The following AP3B2 variants were observed in gnomAD, a reference collection of about 807,000 sequenced individuals.
AP3B2 encodes the protein adaptor related protein complex 3 subunit beta 2.
Under a neutral mutation model 126.9 loss-of-function variants are expected in AP3B2, and 50 were observed. The observed-to-expected ratio is 0.39, with a 90% CI of 0.31 to 0.50. The LOEUF is 0.50. AP3B2 is among the 20% of genes least tolerant of loss of function. The pLI, the probability that AP3B2 is intolerant of heterozygous loss-of-function variation, is 0.79. For missense variants in AP3B2, 1,177 were observed against 1,426.4 expected, an observed-to-expected ratio of 0.83 and a Z score of 2.82; for synonymous variants, 541 against 565.0, an observed-to-expected ratio of 0.96 and a Z score of 0.60.
intron 1 of AP3B2, chr15:82,692,166 T>C: frequency 6.8e-7 from 1 of 1,481,188 alleles, no homozygotes; most frequent in South Asian, 1.2e-5. Context: ...ATCATAACTA[T>C]TTCTTCCATA....
At chr15:82,684,510 C>T (rs899310407) in intron 4 of AP3B2, among the ~76,000 whole-genome samples, 2 of 152,158 alleles carry the variant, frequency 1.3e-5, no homozygotes, top group Admixed American at 6.5e-5. Flanking sequence ...CTGGTTTGAT[C>T]GTCTATCCAG....
At chr15:82,691,915 C>T (rs2048541220) in intron 1 of AP3B2, 1 of 1,297,732 alleles carries the variant, frequency 7.7e-7, no homozygotes, top group Admixed American at 1.8e-5. Flanking sequence ...GGGCATATTC[C>T]ATGTCTTCTT....
At chr15:82,682,084 G>T (rs939642544) in intron 4 of AP3B2, among the ~76,000 whole-genome samples, 2 of 116,750 alleles carry the variant, frequency 1.7e-5, no homozygotes, top group Admixed American at 2.6e-4. Flanking sequence ...ATGGAGTCTC[G>T]CTCTGTCGCC....
chr15:82,700,393 G>C (rs1474149507), intron 1 of AP3B2, among the ~76,000 whole-genome samples: 2 of 16,738 alleles, frequency 1.2e-4, no homozygotes, highest in African/African-American at 3.8e-4. Context: ...CCAGTGGTGG[G>C]TGGCTTTTTT....
At chr15:82,699,493 C>T (rs1017363283) in intron 1 of AP3B2, 6 of 398,000 alleles carry the variant, frequency 1.5e-5, no homozygotes, top group African/African-American at 4.1e-5. Context: ...CCACCTTCTC[C>T]GCCCAGCCTG....
At chr15:82,698,235 G>A (rs751802838) in intron 1 of AP3B2, among the ~76,000 whole-genome samples, 34 of 150,834 alleles carry the variant, frequency 2.3e-4, no homozygotes, top group African/African-American at 5.4e-4. Context: ...CCTACACAAC[G>A]CCCAGAGAAA....
In AP3B2 at chr15:82,680,421, T is replaced by TGGGGCGGGGCAGGAGGCGAGGGAG. The variant is rs1245577551; in HGVS notation, c.1055+27_1055+50dup. The TGGGGCGGGGCAGGAGGCGAGGGAG allele has an allele frequency of 9.4e-5, 100 of 1,058,608 alleles. No individual in the cohort carries two copies. The East Asian group carries it at 5.4e-3, about 57-fold the overall frequency. 65.6% of individuals were successfully genotyped at this position (1,058,608 alleles called of 1,614,324 possible). ...TGAGGGGGCGGAGCCGGGCAGCCCG[T>TGGGGCGGGGCAGGAGGCGAGGGAG]GGGGCGGGGCAGGAGGCGAGGGAGG... On this transcript the variant is annotated intron_variant, in intron 8 of 26. Coordinates refer to ENST00000535359, the MANE Select transcript of AP3B2 (RefSeq NM_001278512.2). The surrounding 1 kb of genome is among the most constrained non-coding windows in gnomAD (Gnocchi z 6.1).
chr15:82,663,023 T>A, intron 22 of AP3B2, 101 bp from the exon 23 acceptor site: 1 of 1,495,746 alleles, frequency 6.7e-7, no homozygotes, highest in Non-Finnish European at 9.1e-7. Flanking sequence ...CTCAAAGCTA[T>A]CACATCCTCC....
Position 82,666,745 on chromosome 15 carries a change from A to G in AP3B2, c.1852+2T>C, listed in dbSNP as rs779321029. On this transcript the variant is annotated splice_donor_variant, in intron 15 of 26. Coordinates refer to ENST00000535359, the MANE Select transcript of AP3B2 (RefSeq NM_001278512.2). LOFTEE classifies it high-confidence loss of function. ...AAGGTTACCCTTGATTTCAGCTCCC[A>G]CCTTTGAAGGATGACTCCAAGACTG... The G allele has an allele frequency of 6.2e-7, 1 of 1,612,566 alleles. No homozygotes were observed. Among genetic ancestry groups the G allele is most frequent in the Admixed American group, 1.7e-5 (1 of 59,878 alleles).
chr15:82,666,215 G>A (rs2048055022), intron 15 of AP3B2, among the ~76,000 whole-genome samples: 1 of 152,196 alleles, frequency 6.6e-6, no homozygotes, highest in Non-Finnish European at 1.5e-5. Context: ...TTCCCTCCCA[G>A]GCCCATCTCA....
Position 82,665,376 on chromosome 15 carries a change from A to AACAC in AP3B2, c.1971+77_1972-74dup, listed in dbSNP as rs60428596. 7.8e-3 allele frequency: 9,778 copies of AACAC among 1,246,572 alleles called. 73 individuals are homozygous for AACAC. Among genetic ancestry groups the AACAC allele is most frequent in the African/African-American group, 0.016 (952 of 57,812 alleles). The allele number at this position is 1,246,572 out of a possible 1,614,324, so 77.2% of individuals were successfully genotyped here. ...GGGCTCCCTACTGTCTGCCCCCACC[A>AACAC]ACACACACACACACACACACACACA... On this transcript the variant is annotated intron_variant, in intron 16 of 26. Coordinates refer to ENST00000535359, the MANE Select transcript of AP3B2 (RefSeq NM_001278512.2). The surrounding 1 kb of genome is among the most constrained non-coding windows in gnomAD (Gnocchi z 4.4).
At chr15:82,677,508 G>A in intron 12 of AP3B2, 125 bp from the exon 13 acceptor site, 1 of 1,348,458 alleles carries the variant, frequency 7.4e-7, no homozygotes, top group East Asian at 2.5e-5. Flanking sequence ...TTCTCTAGCA[G>A]CCCTCAGAGG....
chr15:82,706,683 GA>G (rs1200950726), intron 1 of AP3B2, among the ~76,000 whole-genome samples: 1 of 152,156 alleles, frequency 6.6e-6, no homozygotes, highest in Non-Finnish European at 1.5e-5. Context: ...ATGGTTCTCA[GA>G]CCAAGGAAAA....
rs934865094 is a variant in AP3B2 at position 82,686,011 on chromosome 15, T to C, written c.360+2725A>G. 6 of 152,114 alleles carry C rather than the reference T, an allele frequency of 3.9e-5. No homozygotes were observed. In the South Asian group the frequency reaches 6.2e-4, roughly 16 times the overall value. 9.4% of individuals were successfully genotyped at this position (152,114 alleles called of 1,614,324 possible). On this transcript the variant is annotated intron_variant, in intron 4 of 26. Transcript: ENST00000535359. Reference sequence around the variant, plus strand: ...CGTGGTGAAATATACTTGGAGAAGGTTTATTAACAGATCAGTGTCAACCTG... The same window carrying C: ...CGTGGTGAAATATACTTGGAGAAGGCTTATTAACAGATCAGTGTCAACCTG...
chr15:82,682,924 CAAA>C (rs35153505), intron 4 of AP3B2, among the ~76,000 whole-genome samples: 1 of 134,268 alleles, frequency 7.4e-6, no homozygotes. Context: ...CCAGTCTCTA[CAAA>C]AAAAAAAAAA....
Position 82,688,843 on chromosome 15 carries a change from C to CACGTTTCTCAGCAGA in AP3B2, c.265-27_265-13dup. 6.2e-7 allele frequency: 1 copy of CACGTTTCTCAGCAGA among 1,603,868 alleles called. No individual in the cohort carries two copies. The highest frequency in any genetic ancestry group is 8.5e-7 in the Non-Finnish European group (1 of 1,174,794). ...ACAAGCTTCTTCACCTTGGGGAGAG[C>CACGTTTCTCAGCAGA]ACGTTTCTCAGCAGAACGCTTCTCA... On this transcript the variant is annotated splice_polypyrimidine_tract_variant and intron_variant, in intron 3 of 26. Transcript: ENST00000535359.
At position 82,664,075 on chromosome 15, in the gene AP3B2, G is replaced by T. The variant is rs2048007993; in HGVS notation, c.2262-100C>A. 4 of 1,474,826 alleles carry T rather than the reference G, an allele frequency of 2.7e-6. No homozygotes were observed. The highest frequency in any genetic ancestry group is 3.6e-6 in the Non-Finnish European group (4 of 1,115,156). The allele number at this position is 1,474,826 out of a possible 1,614,324, so 91.4% of individuals were successfully genotyped here. ...CTGAAAAGCTGGAGTGGTGTGGGGAGCCTGAGCCAGGAGGGTTCACACCTG... is the reference window on the plus strand; with the variant it reads ...CTGAAAAGCTGGAGTGGTGTGGGGATCCTGAGCCAGGAGGGTTCACACCTG... On this transcript the variant is annotated intron_variant, in intron 19 of 26. Transcript: ENST00000535359. The surrounding 1 kb of genome is among the most constrained non-coding windows in gnomAD (Gnocchi z 4.5).
intron 1 of AP3B2, 26 bp downstream of exon 1, chr15:82,709,568 G>A: frequency 6.8e-7 from 1 of 1,469,576 alleles, no homozygotes; most frequent in Non-Finnish European, 9.0e-7. Flanking sequence ...CAACCCTCCC[G>A]CGAGCTTCCT....
rs181253981 is a variant in AP3B2 at position 82,660,694 on chromosome 15, T to A, written c.3017-711A>T. 1.6e-4 allele frequency among the ~76,000 whole-genome samples: 24 copies of A among 152,342 alleles called. 1 individual carries two copies. Among genetic ancestry groups the A allele is most frequent in the Admixed American group, 5.9e-4 (9 of 15,308 alleles). On this transcript the variant is annotated intron_variant, in intron 25 of 26. Transcript: ENST00000535359. ...ACTGCTTCCCCTATTCTTCACCTCCTTTTAGAAACTGACATCCCTCTCCTG... is the reference window on the plus strand; with the variant it reads ...ACTGCTTCCCCTATTCTTCACCTCCATTTAGAAACTGACATCCCTCTCCTG...
Sources: gnomAD v4.1 joint callset for allele counts (sites outside exome capture counted in the v4.1 genomes callset) on GRCh38, gnomAD v4.1.1 for gene constraint, Gnocchi (gnomAD v3.1) non-coding constraint, MANE v1.5 for transcripts, NCBI Gene and HGNC (gene_info 2026-07-23, HGNC 2026-07-21) for gene names.